Variants in PRKAR1A observed in about 807,000 individuals in gnomAD.
The protein encoded by PRKAR1A is protein kinase cAMP-dependent type I regulatory subunit alpha.
In PRKAR1A, 3 loss-of-function variants were observed where a neutral mutation model predicts 52.0. The ratio of observed to expected loss-of-function variants is 0.06; its 90% CI spans 0.03 to 0.15. The LOEUF (loss-of-function observed/expected upper bound fraction) is 0.15, where lower values mean the gene tolerates loss of function less well. PRKAR1A is among the 10% of genes least tolerant of loss of function. The pLI is 1.00. For missense variants in PRKAR1A, 240 were observed against 477.4 expected (o/e 0.50, Z 4.63); for synonymous variants, 188 against 168.4 (o/e 1.12, Z -0.90).
At chr17:68,478,804 T>C in the PRKAR1A span, among the ~76,000 whole-genome samples, 2 of 151,568 alleles carry the variant, frequency 1.3e-5, no homozygotes, top group Non-Finnish European at 2.9e-5. Context: ...CTCGGCTCAC[T>C]GCAACCTCCG....
At chr17:68,462,226 ACACCAAGGTGAAT>A in the PRKAR1A span, among the ~76,000 whole-genome samples, 1 of 152,118 alleles carries the variant, frequency 6.6e-6, no homozygotes, top group African/African-American at 2.4e-5. Flanking sequence ...CCTTCCTAAA[ACACCAAGGTGAAT>A]TACAGGTTCT....
the PRKAR1A span, among the ~76,000 whole-genome samples, chr17:68,438,949 A>G: frequency 6.6e-6 from 1 of 152,224 alleles, no homozygotes; most frequent in Non-Finnish European, 1.5e-5. Flanking sequence ...ATGAGATACC[A>G]CTGTACAACC....
the PRKAR1A span, among the ~76,000 whole-genome samples, chr17:68,418,150 G>T: frequency 2.9e-3 from 449 of 152,290 alleles, 3 homozygotes; most frequent in African/African-American, 0.011. Flanking sequence ...CTTAAAAATT[G>T]TAAGCTGGAC....
Position 68,532,939 on chromosome 17 carries a change from C to G in PRKAR1A, c.*2490C>G, listed in dbSNP as rs948023504. On this transcript the variant is annotated 3_prime_UTR_variant, in exon 11 of 11. Coordinates refer to ENST00000589228, the MANE Select transcript of PRKAR1A (RefSeq NM_002734.5). ...CTTTTCAGTTTGTCAAAGAGTGGAT[C>G]TCAAAATCTTGCTTAAAGGGTAATT... 1 of 1,065,836 alleles carries G rather than the reference C, an allele frequency of 9.4e-7. No homozygotes were observed. The highest frequency in any genetic ancestry group is 1.1e-6 in the Non-Finnish European group (1 of 879,688). 66.0% of individuals were successfully genotyped at this position (1,065,836 alleles called of 1,614,324 possible). A position where few individuals can be genotyped will look rare whatever the true frequency, so the allele number is the denominator to read the frequency against.
chr17:68,426,325 T>C, the PRKAR1A span: 1 of 654,892 alleles, frequency 1.5e-6, no homozygotes. Flanking sequence ...CTAGGACAAG[T>C]CATAATCCTC....
intron 11 of PRKAR1A, among the ~76,000 whole-genome samples, chr17:68,540,137 G>T (rs2086223472): frequency 6.6e-6 from 1 of 152,198 alleles, no homozygotes; most frequent in Non-Finnish European, 1.5e-5. Flanking sequence ...AGCAGCCGCA[G>T]GAGGGAGAAG....
chr17:68,444,214 G>A, the PRKAR1A span, among the ~76,000 whole-genome samples: 2 of 152,154 alleles, frequency 1.3e-5, no homozygotes, highest in Non-Finnish European at 2.9e-5. Flanking sequence ...TCTTTTACAT[G>A]TCTACCTTAC....
chr17:68,550,382 TTTTTTTTTTTTTTTA>T (rs1871116673), intron 11 of PRKAR1A, among the ~76,000 whole-genome samples: 1 of 135,842 alleles, frequency 7.4e-6, no homozygotes, highest in African/African-American at 3.0e-5. Flanking sequence ...TTTTTTTTTT[TTTTTTTTTTTTTTTA>T]AGATAGAGAG....
At position 68,527,894 on chromosome 17, in the gene PRKAR1A, A is replaced by G. The variant is rs1282833520; in HGVS notation, c.763A>G (p.Ile255Val). ...TGAGGAATTCCTTAGTAAAGTCTCT[A>G]TTTTAGGTGAGTTGTAAAGTGTGTT... ...MYEEFLSKVS[I>V]LESLDKWERL... Residue 255 changes from isoleucine to valine, a missense_variant, in exon 8 of 11, where the codon ATT (isoleucine) becomes GTT (valine). Transcript: ENST00000589228. The G allele has an allele frequency of 1.9e-6, 3 of 1,609,698 alleles. No individual in the cohort carries two copies. Among genetic ancestry groups the G allele is most frequent in the Non-Finnish European group, 8.5e-7 (1 of 1,176,334 alleles).
At chr17:68,434,839 T>C in the PRKAR1A span, among the ~76,000 whole-genome samples, 9 of 152,234 alleles carry the variant, frequency 5.9e-5, no homozygotes, top group African/African-American at 2.2e-4. Context: ...CCCTTCCACC[T>C]GTGCCCAAGG....
At chr17:68,494,425 C>A in the PRKAR1A span, among the ~76,000 whole-genome samples, 1 of 152,186 alleles carries the variant, frequency 6.6e-6, no homozygotes, top group Non-Finnish European at 1.5e-5. Context: ...GCCTGTAATT[C>A]CCGCTACTTG....
At chr17:68,536,225 A>C, downstream of PRKAR1A, 1 of 454,138 alleles carries the variant, frequency 2.2e-6, no homozygotes, top group Non-Finnish European at 4.4e-6. Context: ...CTCTTTAGTG[A>C]CAGCTCCATT....
At chr17:68,428,891 G>T in the PRKAR1A span, 1 of 1,614,156 alleles carries the variant, frequency 6.2e-7, no homozygotes, top group Non-Finnish European at 8.5e-7. Flanking sequence ...ACATATAAAG[G>T]TGTCCACTGG....
intron 11 of PRKAR1A, among the ~76,000 whole-genome samples, chr17:68,539,581 G>A (rs1232587506): frequency 1.3e-5 from 2 of 152,230 alleles, no homozygotes; most frequent in Non-Finnish European, 2.9e-5. Flanking sequence ...AGATGTTAGA[G>A]CTAAGCAATC....
At chr17:68,434,596 C>T in the PRKAR1A span, 1 of 1,614,040 alleles carries the variant, frequency 6.2e-7, no homozygotes, top group Non-Finnish European at 8.5e-7. Flanking sequence ...TTTTGCCCAT[C>T]AGGGACAGAG....
chr17:68,456,210 T>C, the PRKAR1A span, among the ~76,000 whole-genome samples: 5 of 152,256 alleles, frequency 3.3e-5, no homozygotes, highest in African/African-American at 1.2e-4. Context: ...CTCGATTACA[T>C]GATTACACAT....
chr17:68,489,714 CA>C, the PRKAR1A span, among the ~76,000 whole-genome samples: 2 of 116,318 alleles, frequency 1.7e-5, no homozygotes, highest in African/African-American at 5.5e-5. Context: ...TCACACCCGG[CA>C]AATTTTTTTT....
chr17:68,536,789 A>T (rs892545771), downstream of PRKAR1A: 4 of 453,864 alleles, frequency 8.8e-6, no homozygotes, highest in South Asian at 6.2e-5. Flanking sequence ...TTAGTGTGAC[A>T]TATTTGATGT....
At chr17:68,451,857 G>A in the PRKAR1A span, among the ~76,000 whole-genome samples, 8 of 152,152 alleles carry the variant, frequency 5.3e-5, no homozygotes, top group African/African-American at 1.9e-4. Flanking sequence ...CAAAGGTTAC[G>A]GCTTTGGTAT....
Sources: gnomAD v4.1 joint callset for allele counts (sites outside exome capture counted in the v4.1 genomes callset) on GRCh38, gnomAD v4.1.1 for gene constraint, MANE v1.5 for transcripts, NCBI Gene and HGNC (gene_info 2026-07-23, HGNC 2026-07-21) for gene names.